The following SLC25A26 variants were observed in gnomAD, a reference collection of about 807,000 sequenced individuals.
SLC25A26 encodes the protein mitochondrial S-adenosylmethionine carrier protein.
A neutral mutation model predicts 37.8 loss-of-function variants in SLC25A26; 36 were observed. That is an observed-to-expected ratio of 0.95 (90% confidence interval 0.73 to 1.26). The LOEUF (loss-of-function observed/expected upper bound fraction) is 1.26. SLC25A26 is among the 50% of genes most tolerant of loss of function. The pLI, the probability that SLC25A26 is intolerant of heterozygous loss-of-function variation, is 0.00. For synonymous variants in SLC25A26, 129 were observed against 122.5 expected (o/e 1.05, Z -0.35); for missense variants, 390 against 331.1 (o/e 1.18, Z -1.38).
At chr3:66,207,311 A>G (rs1377251249) in intron 1 of SLC25A26, among the ~76,000 whole-genome samples, 3 of 152,124 alleles carry the variant, frequency 2.0e-5, no homozygotes, top group African/African-American at 7.2e-5. Flanking sequence ...AGTCCAGTTC[A>G]TGGGTCTTCC....
intron 1 of SLC25A26, among the ~76,000 whole-genome samples, chr3:66,185,153 A>C (rs1352218004): frequency 6.6e-6 from 1 of 152,070 alleles, no homozygotes; most frequent in African/African-American, 2.4e-5. Context: ...CCACCATCAT[A>C]GTTTCTGTCT....
chr3:66,340,165 A>G (rs1053380244), intron 5 of SLC25A26, among the ~76,000 whole-genome samples: 3 of 152,096 alleles, frequency 2.0e-5, no homozygotes, highest in African/African-American at 7.2e-5. Context: ...TTAACCATAT[A>G]TGTGAAGTCT....
intron 4 of SLC25A26, among the ~76,000 whole-genome samples, chr3:66,262,937 G>A (rs577511540): frequency 2.6e-5 from 4 of 152,286 alleles, no homozygotes; most frequent in East Asian, 1.9e-4. Context: ...ATTGGCATTT[G>A]TAGGCATTTG....
chr3:66,138,559 G>A (rs956587502), intron 1 of SLC25A26, among the ~76,000 whole-genome samples: 15 of 149,280 alleles, frequency 1.0e-4, no homozygotes, highest in Non-Finnish European at 1.6e-4. Flanking sequence ...CATGGGGTTG[G>A]CCAACAGAAT....
At chr3:66,287,361 C>T (rs553478578) in intron 5 of SLC25A26, among the ~76,000 whole-genome samples, 1,601 of 151,400 alleles carry the variant, frequency 0.011, 36 homozygotes, top group African/African-American at 0.037. Context: ...CTCTTTGTTC[C>T]TTTTTCTTTT....
At chr3:66,309,694 G>T (rs552677044) in intron 5 of SLC25A26, among the ~76,000 whole-genome samples, 6 of 152,212 alleles carry the variant, frequency 3.9e-5, no homozygotes, top group Non-Finnish European at 8.8e-5. Flanking sequence ...AGAGATTCTG[G>T]TATGTTGTGT....
intron 1 of SLC25A26, among the ~76,000 whole-genome samples, chr3:66,213,890 G>C: frequency 6.6e-6 from 1 of 151,902 alleles, no homozygotes; most frequent in South Asian, 2.1e-4. Flanking sequence ...AGGTCTTAAC[G>C]CTGCACTCCA....
exon 1 of SLC25A26, chr3:66,133,806 C>T (rs1230771546): frequency 1.3e-5 from 2 of 152,264 alleles, no homozygotes; most frequent in South Asian, 4.1e-4. Flanking sequence ...GAAGGCGGTT[C>T]GAGTGGAGCC....
chr3:66,209,740 G>T (rs2071249956), intron 1 of SLC25A26, among the ~76,000 whole-genome samples: 1 of 129,322 alleles, frequency 7.7e-6, no homozygotes, highest in Non-Finnish European at 1.6e-5. Flanking sequence ...ATATTGGTAT[G>T]GATATATATA....
Position 66,271,204 on chromosome 3 carries a change from C to T in SLC25A26, c.453+7825C>T, listed in dbSNP as rs199830332. Among the ~76,000 whole-genome samples, 21 of 152,256 alleles carry T rather than the reference C, an allele frequency of 1.4e-4. No homozygotes were observed. The East Asian group carries it at 2.7e-3, about 20-fold the overall frequency. On this transcript the variant is annotated intron_variant, in intron 5 of 9. Transcript: ENST00000354883. ...GTGAAATGTCATCTTTCTTCGTCTT[C>T]GTGAGTCCATTTGGATTGCATTTAG...
chr3:66,205,527 A>T lies in SLC25A26; in HGVS notation c.-353-15215A>T, dbSNP rs931771065. ...GGGTCTTGTGTCTACCCGCACTCAGAATTGCAATATCAACTATGCCAGTGC... is the reference window on the plus strand; with the variant it reads ...GGGTCTTGTGTCTACCCGCACTCAGTATTGCAATATCAACTATGCCAGTGC... On this transcript the variant is annotated intron_variant, in intron 1 of 10. Coordinates refer to the SLC25A26 transcript ENST00000676754. 2.0e-5 allele frequency among the ~76,000 whole-genome samples: 3 copies of T among 152,242 alleles called. No individual in the cohort carries two copies. In the East Asian group the frequency reaches 5.8e-4, roughly 29 times the overall value.
intron 6 of SLC25A26, among the ~76,000 whole-genome samples, chr3:66,350,280 G>T (rs908889235): frequency 6.6e-5 from 10 of 152,142 alleles, no homozygotes; most frequent in African/African-American, 2.4e-4. Context: ...ATTCAACTCT[G>T]TCTAAAAGTC....
At chr3:66,240,742 C>A (rs1289876798) in intron 2 of SLC25A26, among the ~76,000 whole-genome samples, 2 of 123,406 alleles carry the variant, frequency 1.6e-5, no homozygotes, top group Non-Finnish European at 3.2e-5. Context: ...CTAGCCTTTT[C>A]TTTTCTTTTT....
chr3:66,274,558 AAAAC>A (rs1365887358), intron 5 of SLC25A26, among the ~76,000 whole-genome samples: 12 of 152,358 alleles, frequency 7.9e-5, no homozygotes, highest in East Asian at 3.9e-4. Flanking sequence ...TTACAAGAAA[AAAAC>A]AAACAACCCC....
At chr3:66,297,558 G>A (rs992384506) in intron 5 of SLC25A26, among the ~76,000 whole-genome samples, 1 of 152,122 alleles carries the variant, frequency 6.6e-6, no homozygotes, top group African/African-American at 2.4e-5. Context: ...GCTATCTTGT[G>A]CCTTTTGAAG....
intron 5 of SLC25A26, among the ~76,000 whole-genome samples, chr3:66,283,284 TTTC>T (rs1399266902): frequency 3.9e-5 from 6 of 152,090 alleles, no homozygotes; most frequent in Non-Finnish European, 8.8e-5. Context: ...ACTCTTTTCT[TTTC>T]TTTCTTTTTT....
chr3:66,369,371 A>G (rs1158204819), intron 7 of SLC25A26, 107 bp from the exon 8 acceptor site: 1 of 608,052 alleles, frequency 1.6e-6, no homozygotes, highest in Non-Finnish European at 2.9e-6. Context: ...TCAATCAGCC[A>G]GGTGTACATA....
chr3:66,260,547 A>C (rs149873656), intron 3 of SLC25A26, among the ~76,000 whole-genome samples: 1 of 152,218 alleles, frequency 6.6e-6, no homozygotes, highest in Non-Finnish European at 1.5e-5. Context: ...ATGCATCGGT[A>C]TGAAGCATTG....
intron 5 of SLC25A26, among the ~76,000 whole-genome samples, chr3:66,322,283 C>T (rs1198382589): frequency 6.6e-6 from 1 of 152,098 alleles, no homozygotes; most frequent in African/African-American, 2.4e-5. Flanking sequence ...AAATATAGGA[C>T]ACTTTTACCC....
Sources: allele counts gnomAD v4.1 joint callset (sites outside exome capture counted in the v4.1 genomes callset), GRCh38; gene constraint gnomAD v4.1.1; transcripts MANE v1.5; gene names NCBI Gene and HGNC (gene_info 2026-07-23, HGNC 2026-07-21).